The following LTBP1 variants were observed in gnomAD, a reference collection of about 807,000 sequenced individuals.
The protein encoded by LTBP1 is latent transforming growth factor beta binding protein 1.
In LTBP1, 129 loss-of-function variants were observed where a neutral mutation model predicts 207.6. The observed-to-expected ratio is 0.62, with a 90% CI of 0.54 to 0.72. The LOEUF is 0.72. Among genes scored for constraint, LTBP1 ranks in the 30% least tolerant of loss-of-function variants. The probability of loss-of-function intolerance (pLI) is 0.00; values close to 1 mark genes in which losing one functional copy is unlikely to be tolerated. For missense variants in LTBP1, 2,281 were observed against 2,217.2 expected, an observed-to-expected ratio of 1.03 and a Z score of -0.58; for synonymous variants, 963 against 833.7, an observed-to-expected ratio of 1.16 and a Z score of -2.67.
chr2:33,365,626 C>CGTGTGTGTGTGTGTGT (rs144867482), intron 31 of LTBP1, 123 bp downstream of exon 31: 38 of 712,012 alleles, frequency 5.3e-5, no homozygotes, highest in African/African-American at 4.1e-4. Flanking sequence ...ACTTTCATCC[C>CGTGTGTGTGTGTGTGT]GTGTGTGTGT....
intron 15 of LTBP1, among the ~76,000 whole-genome samples, chr2:33,271,096 A>G (rs954964372): frequency 2.0e-5 from 3 of 152,222 alleles, no homozygotes; most frequent in African/African-American, 7.2e-5. Context: ...TAAGCATCAC[A>G]TATATTTGAA....
At chr2:33,188,447 ATT>A in intron 6 of LTBP1, 128 bp from the exon 7 acceptor site, 5 of 668,164 alleles carry the variant, frequency 7.5e-6, no homozygotes, top group South Asian at 4.2e-5. Context: ...AAAAAAAAGA[ATT>A]TTGATGGCTA....
chr2:33,021,816 T>C (rs543099569), intron 3 of LTBP1, among the ~76,000 whole-genome samples: 1 of 152,140 alleles, frequency 6.6e-6, no homozygotes, highest in Admixed American at 6.5e-5. Context: ...TGTTAGGAAG[T>C]AAGTGCTATT....
At chr2:33,215,714 T>C (rs867657551) in intron 7 of LTBP1, among the ~76,000 whole-genome samples, 2 of 136,314 alleles carry the variant, frequency 1.5e-5, no homozygotes, top group African/African-American at 6.1e-5. Context: ...TGGTTTTCTT[T>C]TGTTTTTTGT....
chr2:33,053,956 G>A (rs1378374720), intron 3 of LTBP1, among the ~76,000 whole-genome samples: 1 of 152,194 alleles, frequency 6.6e-6, no homozygotes, highest in African/African-American at 2.4e-5. Context: ...CCAAATAACA[G>A]GTGAGGGCTA....
intron 22 of LTBP1, among the ~76,000 whole-genome samples, chr2:33,304,594 A>G (rs576621663): frequency 6.6e-6 from 1 of 152,280 alleles, no homozygotes; most frequent in East Asian, 1.9e-4. Context: ...AACGTGCCTC[A>G]ATTGTCCTCA....
chr2:33,198,129 A>C (rs1249818251), intron 7 of LTBP1, among the ~76,000 whole-genome samples: 5 of 152,126 alleles, frequency 3.3e-5, no homozygotes, highest in Non-Finnish European at 7.4e-5. Context: ...CATAAGAAAC[A>C]AACTTTTCTG....
Position 33,281,314 on chromosome 2 carries a change from A to G in LTBP1, c.3112+1156A>G, listed in dbSNP as rs1394865146. 2.0e-5 allele frequency among the ~76,000 whole-genome samples: 3 copies of G among 152,212 alleles called. No individual in the cohort carries two copies. The East Asian group carries it at 5.8e-4, about 29-fold the overall frequency. ...GGTAGAACGAGCTGCCCTTAGGAAA[A>G]TTCTTGAGTTGAGGTTCAACTGGTG... is the stretch of plus-strand genomic sequence containing the variant. On this transcript the variant is annotated intron_variant, in intron 19 of 33. Transcript: ENST00000404816.
chr2:33,225,870 A>G (rs560299198), intron 9 of LTBP1, among the ~76,000 whole-genome samples: 173 of 152,224 alleles, frequency 1.1e-3, no homozygotes, highest in African/African-American at 4.0e-3. Flanking sequence ...CACTTAACAT[A>G]ATGTCCTCCA....
intron 32 of LTBP1, among the ~76,000 whole-genome samples, chr2:33,390,926 G>C (rs1205599846): frequency 6.6e-6 from 1 of 152,110 alleles, no homozygotes; most frequent in East Asian, 1.9e-4. Flanking sequence ...ACCCAGTTCT[G>C]GGGCAACAGC....
intron 5 of LTBP1, among the ~76,000 whole-genome samples, chr2:33,145,520 C>T (rs1490842103): frequency 1.3e-5 from 2 of 152,202 alleles, no homozygotes; most frequent in African/African-American, 2.4e-5. Context: ...TATCCTAGAG[C>T]ATTCTTAGCT....
At chr2:33,138,382 T>C (rs563427478) in intron 5 of LTBP1, among the ~76,000 whole-genome samples, 1 of 152,282 alleles carries the variant, frequency 6.6e-6, no homozygotes, top group East Asian at 1.9e-4. Context: ...GTGATTTTGA[T>C]ATGGTTTAAC....
At chr2:33,218,636 A>G (rs2090891639) in intron 8 of LTBP1, among the ~76,000 whole-genome samples, 1 of 152,182 alleles carries the variant, frequency 6.6e-6, no homozygotes, top group African/African-American at 2.4e-5. Flanking sequence ...ACCTCAGGTG[A>G]TCTGCCTGCC....
At chr2:33,337,202 A>G (rs1240345122) in intron 24 of LTBP1, among the ~76,000 whole-genome samples, 1 of 152,156 alleles carries the variant, frequency 6.6e-6, no homozygotes, top group Non-Finnish European at 1.5e-5. Flanking sequence ...GTTCTACTCT[A>G]GTATGTAGAC....
chr2:33,071,546 A>C (rs1201517234), intron 3 of LTBP1, among the ~76,000 whole-genome samples: 2 of 152,194 alleles, frequency 1.3e-5, no homozygotes, highest in African/African-American at 4.8e-5. Flanking sequence ...ATTTTGGAGC[A>C]GGAACAGGGG....
intron 10 of LTBP1, among the ~76,000 whole-genome samples, chr2:33,251,429 G>C (rs573087001): frequency 6.6e-6 from 1 of 152,260 alleles, no homozygotes; most frequent in East Asian, 1.9e-4. Flanking sequence ...GGGAGGCCGA[G>C]GCGTGCGGAT....
At position 33,362,288 on chromosome 2, in the gene LTBP1, T is replaced by C. The variant is rs143987752; in HGVS notation, c.4270+773T>C. ...TTGTCCATTTTTGGAAAACTAGTGT[T>C]TGAATAATATGGTATAATTCAGTAG... On this transcript the variant is annotated intron_variant, in intron 28 of 33. Transcript: ENST00000404816. 8.8e-3 allele frequency among the ~76,000 whole-genome samples: 1,341 copies of C among 152,296 alleles called. 9 individuals are homozygous for C. Among genetic ancestry groups the C allele is most frequent in the Middle Eastern group, 0.024 (7 of 294 alleles).
chr2:32,958,424 G>T lies in LTBP1; in HGVS notation c.565+9479G>T, dbSNP rs1162951492. Among the ~76,000 whole-genome samples the T allele has an allele frequency of 2.6e-5, 4 of 152,184 alleles. No homozygotes were observed. The East Asian group carries it at 7.7e-4, about 29-fold the overall frequency. ...TCTAAGATCCTTGGGGGCTGATCCT[G>T]TTTGGTGCTCCCTAAGCAGATTCTA... On this transcript the variant is annotated intron_variant, in intron 2 of 33. Coordinates refer to ENST00000404816, the MANE Select transcript of LTBP1 (RefSeq NM_206943.4).
At chr2:33,347,117 CAAAAAAAA>C (rs775058448) in intron 25 of LTBP1, among the ~76,000 whole-genome samples, 3 of 51,992 alleles carry the variant, frequency 5.8e-5, no homozygotes, top group African/African-American at 2.2e-4. Flanking sequence ...GACTCCGTCT[CAAAAAAAA>C]AAAAAAAAAA....
Sources: allele counts gnomAD v4.1 joint callset (sites outside exome capture counted in the v4.1 genomes callset), GRCh38; gene constraint gnomAD v4.1.1; transcripts MANE v1.5; gene names NCBI Gene and HGNC (gene_info 2026-07-23, HGNC 2026-07-21).